The following LRRC28 variants were observed in gnomAD, a reference collection of about 807,000 sequenced individuals.
The protein encoded by LRRC28 is leucine-rich repeat-containing protein 28.
Under a neutral mutation model 45.7 loss-of-function variants are expected in LRRC28, and 39 were observed. That is an observed-to-expected ratio of 0.85 (90% CI 0.66 to 1.12). LRRC28 has a LOEUF of 1.12. Among genes scored for constraint, LRRC28 ranks in the 50% most tolerant of loss-of-function variants. The pLI is 0.00. For missense variants in LRRC28, 435 were observed against 438.5 expected (o/e 0.99, Z 0.07); for synonymous variants, 206 against 178.8 (o/e 1.15, Z -1.22).
chr15:99,384,995 C>T (rs1292269733), intron 9 of LRRC28, among the ~76,000 whole-genome samples: 2 of 152,164 alleles, frequency 1.3e-5, no homozygotes, highest in South Asian at 2.1e-4. Context: ...TACTGAGGCA[C>T]GCAGGGACTC....
chr15:99,379,417 T>C (rs543625814), intron 9 of LRRC28, among the ~76,000 whole-genome samples: 1 of 152,232 alleles, frequency 6.6e-6, no homozygotes, highest in Non-Finnish European at 1.5e-5. Flanking sequence ...TGCATCTGTT[T>C]GATTCTTCTC....
At chr15:99,289,180 A>G (rs1567629868) in intron 5 of LRRC28, among the ~76,000 whole-genome samples, 1 of 152,200 alleles carries the variant, frequency 6.6e-6, no homozygotes, top group Non-Finnish European at 1.5e-5. Context: ...GAGCATCCAG[A>G]GACCTTGCTT....
intron 7 of LRRC28, chr15:99,353,614 T>TC (rs1956955589): frequency 6.6e-6 from 1 of 152,230 alleles, no homozygotes; most frequent in African/African-American, 2.4e-5. Context: ...TAGTCATTAA[T>TC]CCTAATGAGT....
At chr15:99,287,413 C>G in intron 4 of LRRC28, 119 bp downstream of exon 4, 1 of 677,918 alleles carries the variant, frequency 1.5e-6, no homozygotes, top group Admixed American at 3.7e-5. Flanking sequence ...CTTTTTTCTT[C>G]TAATAAGTCC....
intron 9 of LRRC28, among the ~76,000 whole-genome samples, chr15:99,373,637 G>A (rs988511355): frequency 3.3e-5 from 5 of 151,898 alleles, no homozygotes; most frequent in African/African-American, 1.2e-4. Context: ...ATTACTTTTT[G>A]TACCCATTAA....
chr15:99,345,770 G>A (rs909014118), intron 6 of LRRC28, among the ~76,000 whole-genome samples: 1 of 152,112 alleles, frequency 6.6e-6, no homozygotes, highest in African/African-American at 2.4e-5. Flanking sequence ...AAAACATATT[G>A]TATGGTGATT....
Position 99,350,837 on chromosome 15 carries a change from G to A in LRRC28, c.593-1532G>A, listed in dbSNP as rs77579972. Among the ~76,000 whole-genome samples, 996 of 152,198 alleles carry A rather than the reference G, an allele frequency of 6.5e-3. 10 individuals are homozygous for A. The highest frequency in any genetic ancestry group is 0.023 in the African/African-American group (970 of 41,500). ...AAACTTTTAGTCAGGGTCTGGCTCT[G>A]TTGCACAAGCTGGATGCAGTGGAAT... is the stretch of plus-strand genomic sequence containing the variant. On this transcript the variant is annotated intron_variant, in intron 6 of 9. Transcript: ENST00000301981.
intron 2 of LRRC28, among the ~76,000 whole-genome samples, chr15:99,260,391 G>C (rs1286682512): frequency 6.6e-6 from 1 of 152,092 alleles, no homozygotes; most frequent in African/African-American, 2.4e-5. Flanking sequence ...AATAGCTTAT[G>C]GTAATACATT....
At chr15:99,289,936 T>C (rs1223558768) in intron 5 of LRRC28, among the ~76,000 whole-genome samples, 18 of 47,222 alleles carry the variant, frequency 3.8e-4, no homozygotes, top group Non-Finnish European at 5.1e-4. Flanking sequence ...CAAGACTCCG[T>C]CTCAAAAAAA....
intron 7 of LRRC28, 149 bp from the exon 8 acceptor site, chr15:99,361,187 C>A: frequency 1.0e-6 from 1 of 965,482 alleles, no homozygotes; most frequent in Non-Finnish European, 1.5e-6. Flanking sequence ...TGAAGGAACC[C>A]GGGATAGCAT....
intron 9 of LRRC28, among the ~76,000 whole-genome samples, chr15:99,364,835 T>G (rs1275106199): frequency 1.3e-5 from 2 of 152,232 alleles, no homozygotes; most frequent in African/African-American, 4.8e-5. Context: ...ACTATTATTA[T>G]CTATTTTTGT....
chr15:99,329,282 G>C (rs1202824603), intron 5 of LRRC28, among the ~76,000 whole-genome samples: 1 of 152,154 alleles, frequency 6.6e-6, no homozygotes, highest in Non-Finnish European at 1.5e-5. Context: ...CTTTCAAACA[G>C]ACAGCATACA....
At chr15:99,365,604 A>G (rs568289466) in intron 9 of LRRC28, among the ~76,000 whole-genome samples, 33 of 152,390 alleles carry the variant, frequency 2.2e-4, no homozygotes, top group African/African-American at 6.5e-4. Flanking sequence ...ATTTTTTAAT[A>G]TCATAAACTC....
In LRRC28 at chr15:99,388,560, A is replaced by G. The variant is rs1206010145; in HGVS notation, c.*2458A>G. On this transcript the variant is annotated 3_prime_UTR_variant, in exon 10 of 10. Transcript: ENST00000301981. ...TGGTGCTGTTCATTATGGAAATTTT[A>G]TGCTGGATTTATCGATGTCATTCTT... is the stretch of plus-strand genomic sequence containing the variant. 2.0e-5 allele frequency: 3 copies of G among 152,224 alleles called. No homozygotes were observed. Among genetic ancestry groups the G allele is most frequent in the Non-Finnish European group, 2.9e-5 (2 of 68,030 alleles). The allele number at this position is 152,224 out of a possible 1,614,324, so 9.4% of individuals were successfully genotyped here.
intron 6 of LRRC28, among the ~76,000 whole-genome samples, chr15:99,345,360 AT>A (rs1029901264): frequency 2.6e-5 from 4 of 152,188 alleles, no homozygotes; most frequent in African/African-American, 9.7e-5. Context: ...ACGCAGTTTT[AT>A]TTTGAAAAAA....
At chr15:99,363,065 G>T (rs770129125) in intron 8 of LRRC28, 41 bp from the exon 9 acceptor site, 12 of 1,575,084 alleles carry the variant, frequency 7.6e-6, no homozygotes, top group South Asian at 1.2e-5. Flanking sequence ...AAGGAAGTCT[G>T]ATTTTTTTAC....
intron 6 of LRRC28, among the ~76,000 whole-genome samples, chr15:99,341,441 GT>G (rs1024110030): frequency 5.9e-5 from 9 of 152,062 alleles, no homozygotes; most frequent in Non-Finnish European, 8.8e-5. Flanking sequence ...TTGCATAAGG[GT>G]TTTGCTCTTG....
intron 2 of LRRC28, among the ~76,000 whole-genome samples, chr15:99,273,262 A>G (rs568238300): frequency 6.6e-6 from 1 of 151,778 alleles, no homozygotes; most frequent in Admixed American, 6.6e-5. Context: ...TTTGAGATGG[A>G]GTCTCACTCT....
chr15:99,331,433 G>C lies in LRRC28; in HGVS notation c.386-2490G>C, dbSNP rs183009643. Among the ~76,000 whole-genome samples the C allele has an allele frequency of 8.5e-5, 13 of 152,140 alleles. No homozygotes were observed. In the East Asian group the frequency reaches 2.5e-3, roughly 29 times the overall value. ...CCATATCCGATCAAACCTACCTCAT[G>C]CTTCTGTTAAAAGTACCTCTGGAAT... On this transcript the variant is annotated intron_variant, in intron 5 of 9. Transcript: ENST00000301981.
Sources: gnomAD v4.1 joint callset for allele counts (sites outside exome capture counted in the v4.1 genomes callset) on GRCh38, gnomAD v4.1.1 for gene constraint, MANE v1.5 for transcripts, NCBI Gene and HGNC (gene_info 2026-07-23, HGNC 2026-07-21) for gene names.